The following COL4A4 variants were observed in gnomAD, a reference collection of about 807,000 sequenced individuals.
The protein encoded by COL4A4 is collagen alpha-4(IV) chain.
In COL4A4, 105 loss-of-function variants were observed where a neutral mutation model predicts 192.9. That is an observed-to-expected ratio of 0.54 (90% CI 0.46 to 0.64). The LOEUF is 0.64. Among genes scored for constraint, COL4A4 ranks in the 30% least tolerant of loss-of-function variants. The probability of loss-of-function intolerance (pLI) is 0.00; values close to 1 mark genes in which losing one functional copy is unlikely to be tolerated. For missense variants in COL4A4, 1,967 were observed against 2,169.3 expected, an observed-to-expected ratio of 0.91 and a Z score of 1.85; for synonymous variants, 762 against 769.9, an observed-to-expected ratio of 0.99 and a Z score of 0.17.
chr2:227,070,008 C>G (rs1329171441), intron 25 of COL4A4, among the ~76,000 whole-genome samples: 2 of 149,120 alleles, frequency 1.3e-5, no homozygotes, highest in African/African-American at 2.4e-5. Context: ...ACAATGAACT[C>G]AAACAAATTT....
chr2:226,968,639 G>C, the COL4A4 span, among the ~76,000 whole-genome samples: 4 of 152,200 alleles, frequency 2.6e-5, no homozygotes, highest in African/African-American at 7.2e-5. Flanking sequence ...CTTGGAGATT[G>C]AATGTTTGCG....
rs1227443063 is a variant in COL4A4 at position 227,103,172 on chromosome 2, A to G, written c.842T>C (p.Val281Ala). The change falls in exon 14 of 48, where the codon GTT becomes GCT. Residue 281 changes from valine to alanine, a missense_variant. Transcript: ENST00000396625. Reference protein sequence around the residue: ...EKGIKGIPGMVGLPGPPGRKG... With the variant: ...EKGIKGIPGMAGLPGPPGRKG... ...GCGTCCTGGTGGTCCTGGCAGTCCA[A>G]CCATTCCAGGAATTCCTTTTATACC... The G allele has an allele frequency of 3.7e-6, 6 of 1,613,078 alleles. No homozygotes were observed. The highest frequency in any genetic ancestry group is 3.3e-5 in the Admixed American group (2 of 59,934).
At chr2:227,111,787 A>G in intron 8 of COL4A4, 74 bp from the exon 9 acceptor site, 1 of 1,484,218 alleles carries the variant, frequency 6.7e-7, no homozygotes, top group Non-Finnish European at 9.3e-7. Context: ...AAATAGAAAT[A>G]TACACAAAAT....
intron 37 of COL4A4, among the ~76,000 whole-genome samples, chr2:227,036,687 C>A (rs1380733591): frequency 6.6e-6 from 1 of 152,182 alleles, no homozygotes; most frequent in East Asian, 1.9e-4. Flanking sequence ...TACCTCCTGG[C>A]AGGTGCTGTC....
intron 4 of COL4A4, among the ~76,000 whole-genome samples, chr2:227,132,635 G>C (rs758401417): frequency 3.3e-5 from 5 of 152,112 alleles, no homozygotes; most frequent in Admixed American, 6.5e-5. Context: ...AATTAGCCGG[G>C]CATGGTGGTG....
intron 23 of COL4A4, 124 bp downstream of exon 23, chr2:227,081,991 A>C (rs1456927407): frequency 2.3e-6 from 2 of 869,366 alleles, no homozygotes; most frequent in Admixed American, 3.5e-5. Context: ...GTATTTTTTT[A>C]AGTAATCTCA....
chr2:227,066,947 T>C (rs961370333), intron 25 of COL4A4, among the ~76,000 whole-genome samples: 330 of 148,636 alleles, frequency 2.2e-3, no homozygotes, highest in African/African-American at 7.8e-3. Context: ...TCAAGACCCA[T>C]CAGTGTGCTG....
rs1295596265 is a variant in COL4A4, at chr2:227,041,688, C to G, written c.3505+460G>C. Among the ~76,000 whole-genome samples the G allele has an allele frequency of 3.3e-3, 328 of 100,510 alleles. 9 individuals are homozygous for G. The highest frequency in any genetic ancestry group is 0.013 in the African/African-American group (308 of 24,360). The allele number at this position is 100,510 out of a possible 152,430, so 65.9% of individuals were successfully genotyped here. A position where few individuals can be genotyped will look rare whatever the true frequency, so the allele number is the denominator to read the frequency against. Reference sequence around the variant, plus strand: ...AAGAAAAGGAAAAAAGAAAGAAAGACAGAGAGAGAGAGAGAGAAGGAAGGA... The same window carrying G: ...AAGAAAAGGAAAAAAGAAAGAAAGAGAGAGAGAGAGAGAGAGAAGGAAGGA... On this transcript the variant is annotated intron_variant, in intron 37 of 47. Coordinates refer to ENST00000396625, the MANE Select transcript of COL4A4 (RefSeq NM_000092.5).
intron 31 of COL4A4, among the ~76,000 whole-genome samples, chr2:227,052,939 G>A (rs1974447577): frequency 1.3e-5 from 2 of 152,202 alleles, no homozygotes; most frequent in Middle Eastern, 3.4e-3. Context: ...CAATGTGCAG[G>A]CGTGGGCTCC....
At chr2:227,117,547 G>T (rs760498666) in intron 7 of COL4A4, among the ~76,000 whole-genome samples, 3 of 152,182 alleles carry the variant, frequency 2.0e-5, no homozygotes, top group African/African-American at 4.8e-5. Context: ...AGGAAGACTC[G>T]TGAGTGACAG....
In COL4A4 at chr2:227,057,572, A is replaced by G. The variant is rs1233972305; in HGVS notation, c.2412T>C (p.Gly804=). The change falls in exon 29 of 48, where the codon GGT becomes GGC. Residue 804 remains glycine, a synonymous_variant. Coordinates refer to ENST00000396625, the MANE Select transcript of COL4A4 (RefSeq NM_000092.5). The part of the protein sequence containing the change: ...EGPAGIPGFL[G]LKGPKGREGH... ...CCTCTCTGCCTTTGGGACCTTTGAG[A>G]CCTAGGAATCCAGGAATGCCAGCTG... is the stretch of plus-strand genomic sequence containing the variant. 6.2e-7 allele frequency: 1 copy of G among 1,614,092 alleles called. No individual in the cohort carries two copies. Among genetic ancestry groups the G allele is most frequent in the Non-Finnish European group, 8.5e-7 (1 of 1,180,014 alleles).
At chr2:226,977,312 A>G in the COL4A4 span, among the ~76,000 whole-genome samples, 151,706 of 152,262 alleles carry the variant, frequency 1, 75,589 homozygotes, top group Middle Eastern at 1. Flanking sequence ...CTGTAAACAC[A>G]AATATGAAGT....
the COL4A4 span, among the ~76,000 whole-genome samples, chr2:226,983,724 A>G: frequency 6.6e-6 from 1 of 152,096 alleles, no homozygotes; most frequent in Non-Finnish European, 1.5e-5. Flanking sequence ...TTTCTGAGGG[A>G]AATGTTGGCT....
At chr2:227,100,695 T>C (rs1302526209) in intron 17 of COL4A4, among the ~76,000 whole-genome samples, 1 of 152,164 alleles carries the variant, frequency 6.6e-6, no homozygotes, top group Non-Finnish European at 1.5e-5. Context: ...GGTTTGGCTG[T>C]GCCCCCAGCT....
At chr2:227,159,598 T>C (rs1169850442) in intron 1 of COL4A4, among the ~76,000 whole-genome samples, 2 of 152,178 alleles carry the variant, frequency 1.3e-5, no homozygotes, top group Admixed American at 1.3e-4. Context: ...AGGGACCCAG[T>C]GGGAGGTAAT....
chr2:227,094,688 A>G (rs1001240882), intron 19 of COL4A4, among the ~76,000 whole-genome samples: 1 of 152,242 alleles, frequency 6.6e-6, no homozygotes, highest in African/African-American at 2.4e-5. Flanking sequence ...AAGAGGCTAG[A>G]TCTAAAATAA....
At chr2:227,126,382 CA>C (rs1489489390) in intron 4 of COL4A4, among the ~76,000 whole-genome samples, 1 of 152,152 alleles carries the variant, frequency 6.6e-6, no homozygotes, top group Non-Finnish European at 1.5e-5. Flanking sequence ...AGTAATTATG[CA>C]AAATGGCAAT....
intron 25 of COL4A4, among the ~76,000 whole-genome samples, chr2:227,071,795 G>C (rs963500426): frequency 6.6e-6 from 1 of 152,132 alleles, no homozygotes; most frequent in Non-Finnish European, 1.5e-5. Context: ...GCTCCTGAAT[G>C]ATATCTGGGT....
At position 227,101,884 on chromosome 2, in the gene COL4A4, G is replaced by A; in HGVS notation, c.956C>T (p.Pro319Leu). The A allele has an allele frequency of 1.3e-6, 2 of 1,596,158 alleles. No individual in the cohort carries two copies. Among genetic ancestry groups the A allele is most frequent in the Non-Finnish European group, 1.7e-6 (2 of 1,168,004 alleles). ...ATTTACCTTTAATCCTGGAAAACCT[G>A]GAGATCCATAGGAACCAGGATCCCC... ...PRGDPGSYGS[P>L]GFPGLKGELG... The change falls in exon 16 of 48, where the codon CCA becomes CTA. Residue 319 changes from proline to leucine, a missense_variant. Transcript: ENST00000396625.
Sources: gnomAD v4.1 joint callset for allele counts (sites outside exome capture counted in the v4.1 genomes callset) on GRCh38, gnomAD v4.1.1 for gene constraint, MANE v1.5 for transcripts, NCBI Gene and HGNC (gene_info 2026-07-23, HGNC 2026-07-21) for gene names.